The following GRIA1 variants were observed in gnomAD, a reference collection of about 807,000 sequenced individuals.
GRIA1 encodes the protein glutamate ionotropic receptor AMPA type subunit 1.
In GRIA1, 31 loss-of-function variants were observed where a neutral mutation model predicts 99.2. The observed-to-expected ratio is 0.31, with a 90% confidence interval of 0.23 to 0.42. GRIA1 has a LOEUF of 0.42. GRIA1 is among the 10% of genes least tolerant of loss of function. GRIA1 has a pLI of 1.00. For synonymous variants in GRIA1, 438 were observed against 432.4 expected (o/e 1.01, Z -0.16); for missense variants, 782 against 1,157.5 (o/e 0.68, Z 4.71).
At position 153,795,483 on chromosome 5, in the gene GRIA1, G is replaced by A. The variant is rs774098513; in HGVS notation, c.2385+748G>A. On this transcript the variant is annotated intron_variant, in intron 14 of 15. Coordinates refer to ENST00000285900, the MANE Select transcript of GRIA1 (RefSeq NM_000827.4). ...TTTCCCCCCTGGTTGAAGAGGTCCCGTAAACCTAGCGGTTTTGAAACTCAG... is the reference window on the plus strand; with the variant it reads ...TTTCCCCCCTGGTTGAAGAGGTCCCATAAACCTAGCGGTTTTGAAACTCAG... The A allele has an allele frequency of 2.0e-5, 32 of 1,592,906 alleles. No individual in the cohort carries two copies. Among genetic ancestry groups the A allele is most frequent in the Admixed American group, 6.7e-5 (4 of 59,902 alleles).
At chr5:153,612,525 G>A (rs937602040) in intron 2 of GRIA1, among the ~76,000 whole-genome samples, 3 of 152,196 alleles carry the variant, frequency 2.0e-5, no homozygotes, top group African/African-American at 4.8e-5. Context: ...GATTCAGTGG[G>A]ATAATGCATA....
intron 13 of GRIA1, among the ~76,000 whole-genome samples, chr5:153,778,143 G>T (rs1764386503): frequency 6.6e-6 from 1 of 151,550 alleles, no homozygotes; most frequent in South Asian, 2.1e-4. Context: ...AGGTTGGGAG[G>T]GAGAGACAAA....
chr5:153,794,815 C>A, intron 14 of GRIA1, 80 bp downstream of exon 14: 1 of 797,016 alleles, frequency 1.3e-6, no homozygotes, highest in Non-Finnish European at 2.1e-6. Flanking sequence ...CTCCCAATAC[C>A]TATCCTGCTT....
chr5:153,777,851 T>A (rs1370059585), intron 13 of GRIA1, among the ~76,000 whole-genome samples: 1 of 152,180 alleles, frequency 6.6e-6, no homozygotes, highest in Non-Finnish European at 1.5e-5. Context: ...ATAGTACTGG[T>A]GCAGAGCCTG....
At chr5:153,609,044 A>C (rs1490061192) in intron 2 of GRIA1, among the ~76,000 whole-genome samples, 2 of 152,070 alleles carry the variant, frequency 1.3e-5, no homozygotes, top group East Asian at 3.9e-4. Flanking sequence ...TCCCAGCCTA[A>C]AGTTGGGTTT....
intron 2 of GRIA1, among the ~76,000 whole-genome samples, chr5:153,531,101 G>A (rs1460021801): frequency 1.3e-5 from 2 of 152,226 alleles, no homozygotes; most frequent in Non-Finnish European, 2.9e-5. Context: ...AGAATGGTAA[G>A]TGAGAGTTGG....
At chr5:153,673,306 C>T (rs1199596533) in intron 5 of GRIA1, among the ~76,000 whole-genome samples, 1 of 152,226 alleles carries the variant, frequency 6.6e-6, no homozygotes, top group Non-Finnish European at 1.5e-5. Flanking sequence ...AAGCATGACA[C>T]TGCCCCTCCC....
intron 12 of GRIA1, among the ~76,000 whole-genome samples, chr5:153,767,782 C>T (rs1763618251): frequency 6.6e-6 from 1 of 152,166 alleles, no homozygotes; most frequent in Non-Finnish European, 1.5e-5. Flanking sequence ...TATGAAGAGT[C>T]ATGGGAGCTG....
At chr5:153,742,296 T>C (rs571010915) in intron 11 of GRIA1, among the ~76,000 whole-genome samples, 1 of 152,216 alleles carries the variant, frequency 6.6e-6, no homozygotes, top group African/African-American at 2.4e-5. Flanking sequence ...GACAGGGCGG[T>C]GGATGACTAA....
chr5:153,536,348 C>T (rs574515946), intron 2 of GRIA1, among the ~76,000 whole-genome samples: 1 of 152,210 alleles, frequency 6.6e-6, no homozygotes, highest in East Asian at 1.9e-4. Context: ...CCTCAATCTC[C>T]CACCCCTACC....
At chr5:153,790,308 C>G (rs1765219358) in intron 13 of GRIA1, among the ~76,000 whole-genome samples, 2 of 152,150 alleles carry the variant, frequency 1.3e-5, no homozygotes, top group African/African-American at 4.8e-5. Context: ...AAAAAATGAC[C>G]AATCTCTTAT....
chr5:153,686,139 G>T, intron 7 of GRIA1, 86 bp from the exon 8 acceptor site: 1 of 960,894 alleles, frequency 1.0e-6, no homozygotes, highest in Admixed American at 1.7e-5. Flanking sequence ...ACACTCTTGG[G>T]TTCTGAATTT....
chr5:153,652,206 G>A (rs889945405), intron 4 of GRIA1, among the ~76,000 whole-genome samples: 2 of 152,164 alleles, frequency 1.3e-5, no homozygotes, highest in African/African-American at 2.4e-5. Flanking sequence ...GAAGGCCTCT[G>A]TTCTATAAAA....
intron 12 of GRIA1, among the ~76,000 whole-genome samples, chr5:153,768,104 G>T (rs1242032874): frequency 6.6e-6 from 1 of 152,178 alleles, no homozygotes; most frequent in Non-Finnish European, 1.5e-5. Context: ...GTGCCTGGAA[G>T]ATTATCTGCA....
intron 2 of GRIA1, among the ~76,000 whole-genome samples, chr5:153,524,317 C>T (rs1292596710): frequency 1.3e-5 from 2 of 152,116 alleles, no homozygotes; most frequent in East Asian, 1.9e-4. Context: ...CAGAGTGAGA[C>T]TCAGTTTAAA....
At chr5:153,562,488 T>C (rs1761215669) in intron 2 of GRIA1, among the ~76,000 whole-genome samples, 1 of 152,220 alleles carries the variant, frequency 6.6e-6, no homozygotes, top group African/African-American at 2.4e-5. Flanking sequence ...GCATTCTCTA[T>C]CAGTCATAGT....
chr5:153,767,891 T>C (rs772085122), intron 12 of GRIA1, among the ~76,000 whole-genome samples: 1 of 152,232 alleles, frequency 6.6e-6, no homozygotes, highest in African/African-American at 2.4e-5. Context: ...TAGATTTTCC[T>C]GATAGTTCAT....
At chr5:153,671,436 G>T (rs937894920) in intron 5 of GRIA1, among the ~76,000 whole-genome samples, 6 of 152,188 alleles carry the variant, frequency 3.9e-5, no homozygotes, top group African/African-American at 1.4e-4. Context: ...AACCAGTGCT[G>T]GGGTAAGTGC....
intron 2 of GRIA1, among the ~76,000 whole-genome samples, chr5:153,546,583 C>A (rs1759636092): frequency 6.6e-6 from 1 of 152,112 alleles, no homozygotes; most frequent in Non-Finnish European, 1.5e-5. Flanking sequence ...TTCCAACAGT[C>A]ATGGGAAGCA....
Sources: gnomAD v4.1 joint callset for allele counts (sites outside exome capture counted in the v4.1 genomes callset) on GRCh38, gnomAD v4.1.1 for gene constraint, MANE v1.5 for transcripts, NCBI Gene and HGNC (gene_info 2026-07-23, HGNC 2026-07-21) for gene names.